The following TMX3 variants were observed in gnomAD, a reference collection of about 807,000 sequenced individuals.
The protein encoded by TMX3 is thioredoxin related transmembrane protein 3, also known as protein disulfide-isomerase TMX3.
In TMX3, 40 loss-of-function variants were observed where a neutral mutation model predicts 64.4. The ratio of observed to expected loss-of-function variants is 0.62; its 90% confidence interval spans 0.48 to 0.81. The LOEUF (loss-of-function observed/expected upper bound fraction) is 0.81, where lower values mean the gene tolerates loss of function less well. Among genes scored for constraint, TMX3 ranks in the 30% least tolerant of loss-of-function variants. TMX3 has a pLI of 0.00. For missense variants in TMX3, 497 were observed against 534.5 expected, an observed-to-expected ratio of 0.93 and a Z score of 0.69; for synonymous variants, 189 against 175.7, an observed-to-expected ratio of 1.08 and a Z score of -0.60.
intron 6 of TMX3, among the ~76,000 whole-genome samples, chr18:68,699,510 C>T (rs1915463734): frequency 6.6e-6 from 1 of 152,094 alleles, no homozygotes; most frequent in South Asian, 2.1e-4. Flanking sequence ...ATATAAAGAT[C>T]ACTCCTAATC....
At chr18:68,706,562 A>G (rs2030689393) in intron 4 of TMX3, among the ~76,000 whole-genome samples, 1 of 152,218 alleles carries the variant, frequency 6.6e-6, no homozygotes, top group Non-Finnish European at 1.5e-5. Context: ...ATAAGTACCC[A>G]GGTAATTCTA....
At chr18:68,683,995 C>T (rs1250976902) in intron 12 of TMX3, among the ~76,000 whole-genome samples, 195 bp downstream of exon 12, 3 of 152,042 alleles carry the variant, frequency 2.0e-5, no homozygotes, top group African/African-American at 7.2e-5. Flanking sequence ...ATGTAGCATT[C>T]CATTCTATGC....
In TMX3 at chr18:68,700,504, AT is replaced by A. The variant is rs1396719812; in HGVS notation, c.312-20del. On this transcript the variant is annotated intron_variant, in intron 5 of 15. Coordinates refer to ENST00000299608, the MANE Select transcript of TMX3 (RefSeq NM_019022.5). The stretch of plus-strand genomic sequence containing the variant: ...TTTTAATCTTTAAAAAAAAAAAAAA[AT>A]TAAAACCTGGATTGTTCTAACAGTT... 5.6e-6 allele frequency: 8 copies of A among 1,432,626 alleles called. No individual in the cohort carries two copies. The highest frequency in any genetic ancestry group is 4.1e-5 in the South Asian group (3 of 73,252). The allele number at this position is 1,432,626 out of a possible 1,614,324, so 88.7% of individuals were successfully genotyped here.
rs1211298986 is a variant in TMX3, at chr18:68,701,780, T to G, written c.276A>C (p.Ser92=). The G allele has an allele frequency of 5.6e-6, 9 of 1,611,388 alleles. No individual in the cohort carries two copies. Among genetic ancestry groups the G allele is most frequent in the Non-Finnish European group, 7.6e-6 (9 of 1,179,110 alleles). ...TTGGATAACCTCGAACTCCAAACTC[T>G]GAAGCAATGCCTTGATAAGAAAAAG... ...MDATSYSSIA[S]EFGVRGYPTI... is the part of the protein sequence containing the mutation. Residue 92 remains serine (S), a synonymous_variant, in exon 5 of 16, where the codon TCA becomes TCC. Transcript: ENST00000299608.
At chr18:68,713,572 C>A (rs1394008845) in intron 2 of TMX3, among the ~76,000 whole-genome samples, 1 of 152,142 alleles carries the variant, frequency 6.6e-6, no homozygotes, top group Non-Finnish European at 1.5e-5. Flanking sequence ...CAAATTCTAA[C>A]ACCCATTCAA....
At chr18:68,691,176 C>A (rs2145050537) in intron 9 of TMX3, 119 bp downstream of exon 9, 2 of 568,152 alleles carry the variant, frequency 3.5e-6, no homozygotes, top group South Asian at 1.2e-4. Context: ...GCATTCAAGT[C>A]ATGAGAACTG....
At chr18:68,699,003 A>C (rs535713204) in intron 6 of TMX3, among the ~76,000 whole-genome samples, 46 of 151,812 alleles carry the variant, frequency 3.0e-4, no homozygotes, top group Admixed American at 6.6e-5. Context: ...GCCTGGGCGA[A>C]AGAGCGAGAC....
At chr18:68,680,516 T>C (rs1462681093) in intron 14 of TMX3, among the ~76,000 whole-genome samples, 1 of 152,220 alleles carries the variant, frequency 6.6e-6, no homozygotes, top group Non-Finnish European at 1.5e-5. Flanking sequence ...TTACTCTCAA[T>C]AAATTTCCTC....
chr18:68,684,796 TC>T (rs1913785508), intron 10 of TMX3, among the ~76,000 whole-genome samples: 1 of 152,178 alleles, frequency 6.6e-6, no homozygotes, highest in Non-Finnish European at 1.5e-5. Flanking sequence ...TTGTATTTTT[TC>T]CTTACACCCT....
intron 4 of TMX3, among the ~76,000 whole-genome samples, chr18:68,704,499 A>AAATTT (rs2030463907): frequency 6.6e-6 from 1 of 152,140 alleles, no homozygotes; most frequent in Non-Finnish European, 1.5e-5. Flanking sequence ...GGAAGAAAAA[A>AAATTT]AGGTAATTCA....
intron 2 of TMX3, among the ~76,000 whole-genome samples, chr18:68,712,043 A>G (rs765182549): frequency 6.6e-6 from 1 of 152,178 alleles, no homozygotes. Context: ...TGTTTCACCC[A>G]TAATTGGGCT....
At position 68,684,429 on chromosome 18, in the gene TMX3, T is replaced by TGG. The variant is rs752971721; in HGVS notation, c.791_792dup (p.Arg265ProfsTer3). ...TAAAACTATATCAAGGCATTATACC[T>TGG]GGTATGTTCAACTGATGTATTTTTC... On this transcript the variant is annotated frameshift_variant and splice_region_variant, in exon 11 of 16. Coordinates refer to ENST00000299608, the MANE Select transcript of TMX3 (RefSeq NM_019022.5). LOFTEE classifies it high-confidence loss of function. 6 of 1,612,494 alleles carry TGG rather than the reference T, an allele frequency of 3.7e-6. No individual in the cohort carries two copies. Among genetic ancestry groups the TGG allele is most frequent in the Non-Finnish European group, 4.2e-6 (5 of 1,179,062 alleles).
In TMX3 at chr18:68,713,818, T is replaced by C. The variant is rs781293679; in HGVS notation, c.101+28A>G. ...TATCTGAGTTGGACAGTTAAAATAATATTTTAAATATATATATGTATACTC... is the reference window on the plus strand; with the variant it reads ...TATCTGAGTTGGACAGTTAAAATAACATTTTAAATATATATATGTATACTC... On this transcript the variant is annotated intron_variant, in intron 2 of 15. Coordinates refer to ENST00000299608, the MANE Select transcript of TMX3 (RefSeq NM_019022.5). The C allele has an allele frequency of 2.6e-6, 3 of 1,161,408 alleles. No individual in the cohort carries two copies. The Admixed American group carries it at 8.7e-5, about 34-fold the overall frequency. The allele number at this position is 1,161,408 out of a possible 1,614,324, so 71.9% of individuals were successfully genotyped here. A position where few individuals can be genotyped will look rare whatever the true frequency, so the allele number is the denominator to read the frequency against.
At chr18:68,706,244 T>C (rs2145122831) in intron 4 of TMX3, 1 of 152,328 alleles carries the variant, frequency 6.6e-6, no homozygotes, top group Non-Finnish European at 1.5e-5. Context: ...ACCCCGTTTC[T>C]ACTAAAAACA....
At chr18:68,699,017 G>A (rs374473094) in intron 6 of TMX3, among the ~76,000 whole-genome samples, 47 of 146,310 alleles carry the variant, frequency 3.2e-4, no homozygotes, top group African/African-American at 1.1e-3. Context: ...GCGAGACTCC[G>A]CCTCAAAAAA....
At chr18:68,714,915 C>G (rs1412766061) in intron 1 of TMX3, 21 bp downstream of exon 1, 5 of 1,553,152 alleles carry the variant, frequency 3.2e-6, no homozygotes, top group Non-Finnish European at 4.4e-6. Flanking sequence ...GCCAGCGTCC[C>G]GACCGCTGAG....
At position 68,680,964 on chromosome 18, in the gene TMX3, A is replaced by C; in HGVS notation, c.1035+17T>G. ...CCCCTGTCCATCATCTCTTTGAAAC[A>C]GAAGTGAACAACTTACTTCTACTGT... is the stretch of plus-strand genomic sequence containing the variant. On this transcript the variant is annotated intron_variant, in intron 14 of 15. Coordinates refer to ENST00000299608, the MANE Select transcript of TMX3 (RefSeq NM_019022.5). 1 of 1,560,076 alleles carries C rather than the reference A, an allele frequency of 6.4e-7. No individual in the cohort carries two copies.
chr18:68,698,480 G>C (rs558303180), intron 6 of TMX3, among the ~76,000 whole-genome samples: 46 of 152,202 alleles, frequency 3.0e-4, no homozygotes, highest in African/African-American at 1.1e-3. Flanking sequence ...ATCTTACTAT[G>C]TCAATTTAAA....
At chr18:68,677,334 G>A in intron 15 of TMX3, 141 bp from the exon 16 acceptor site, 1 of 853,354 alleles carries the variant, frequency 1.2e-6, no homozygotes, top group Admixed American at 2.9e-5. Flanking sequence ...CATTTCAGCA[G>A]TAACTACCAT....
Sources: allele counts gnomAD v4.1 joint callset (sites outside exome capture counted in the v4.1 genomes callset), GRCh38; gene constraint gnomAD v4.1.1; transcripts MANE v1.5; gene names NCBI Gene and HGNC (gene_info 2026-07-23, HGNC 2026-07-21).